Variants in ARHGAP44 observed in about 807,000 individuals in gnomAD.
The protein encoded by ARHGAP44 is Rho GTPase activating protein 44.
ARHGAP44 carries 43 observed loss-of-function variants against 106.8 expected under a neutral mutation model. The ratio of observed to expected loss-of-function variants is 0.40; its 90% CI spans 0.32 to 0.52. The LOEUF (loss-of-function observed/expected upper bound fraction) is 0.52, where lower values mean the gene tolerates loss of function less well. Among genes scored for constraint, ARHGAP44 ranks in the 20% least tolerant of loss-of-function variants. ARHGAP44 has a pLI of 0.48. For synonymous variants in ARHGAP44, 439 were observed against 410.3 expected (o/e 1.07, Z -0.85); for missense variants, 866 against 1,050.5 (o/e 0.82, Z 2.43).
In ARHGAP44 at chr17:12,809,618, G is replaced by A. The variant is rs563798110; in HGVS notation, c.53+19727G>A. Among the ~76,000 whole-genome samples the A allele has an allele frequency of 3.4e-4, 52 of 152,276 alleles. 1 individual carries two copies. The highest frequency in any genetic ancestry group is 2.3e-3 in the South Asian group (11 of 4,818). The stretch of plus-strand genomic sequence containing the variant: ...TCTCCCTTGACACTTGGGAATTATG[G>A]GAGCTACAATCCAAGATGAGATTTG... On this transcript the variant is annotated intron_variant, in intron 1 of 20. Coordinates refer to ENST00000379672, the MANE Select transcript of ARHGAP44 (RefSeq NM_014859.6).
intron 16 of ARHGAP44, among the ~76,000 whole-genome samples, chr17:12,970,053 A>G (rs1276533269): frequency 6.6e-6 from 1 of 152,172 alleles, no homozygotes; most frequent in South Asian, 2.1e-4. Context: ...CAGTGGGTCT[A>G]CCTTGCCAAA....
chr17:12,831,549 A>T (rs903645762), intron 1 of ARHGAP44, among the ~76,000 whole-genome samples: 3 of 152,186 alleles, frequency 2.0e-5, no homozygotes, highest in Non-Finnish European at 4.4e-5. Flanking sequence ...AGGCTTGGTC[A>T]GTGTAGATGC....
In ARHGAP44 at chr17:12,984,833, C is replaced by G. The variant is rs762732924; in HGVS notation, c.2242C>G (p.Leu748Val). The change falls in exon 20 of 21, where the codon CTC (leucine) becomes GTC (valine). Residue 748 changes from leucine to valine, a missense_variant. Physicochemically the swap from Leu to Val is conservative, Grantham distance 32. Coordinates refer to ENST00000379672, the MANE Select transcript of ARHGAP44 (RefSeq NM_014859.6). The stretch of plus-strand genomic sequence containing the variant: ...GCCTCCTCAGCCTCCCACAGTAAAC[C>G]TCTCGGCCTCTAGTCCACAGTCCAC... ...LPPPQPPTVN[L>V]SASSPQSTEA... The G allele has an allele frequency of 1.2e-6, 2 of 1,613,992 alleles. No homozygotes were observed. The highest frequency in any genetic ancestry group is 2.2e-5 in the South Asian group (2 of 91,076).
intron 1 of ARHGAP44, among the ~76,000 whole-genome samples, chr17:12,866,402 A>G (rs1171267454): frequency 6.6e-6 from 1 of 152,168 alleles, no homozygotes; most frequent in African/African-American, 2.4e-5. Flanking sequence ...CTCAAAACAC[A>G]TAATCAGCAC....
intron 13 of ARHGAP44, among the ~76,000 whole-genome samples, chr17:12,955,361 G>C (rs2039100758): frequency 6.6e-6 from 1 of 152,072 alleles, no homozygotes; most frequent in Non-Finnish European, 1.5e-5. Flanking sequence ...TTTCTTTTGG[G>C]TATTATCCCT....
At chr17:12,962,374 C>T (rs1253890369) in intron 16 of ARHGAP44, among the ~76,000 whole-genome samples, 1 of 152,118 alleles carries the variant, frequency 6.6e-6, no homozygotes, top group African/African-American at 2.4e-5. Context: ...ATACATTTTT[C>T]ATCATTGTGG....
chr17:12,907,573 T>G (rs9911986), intron 3 of ARHGAP44, among the ~76,000 whole-genome samples: 21,437 of 152,216 alleles, frequency 0.14, 2,294 homozygotes, highest in East Asian at 0.34. Context: ...ATTTATATAA[T>G]ATGTGTCCTT....
At chr17:12,963,297 G>C (rs1567712020) in intron 16 of ARHGAP44, among the ~76,000 whole-genome samples, 1 of 152,224 alleles carries the variant, frequency 6.6e-6, no homozygotes, top group East Asian at 1.9e-4. Flanking sequence ...GTGATGTTCT[G>C]GGACTGCTGA....
chr17:12,802,917 C>A (rs2034140713), intron 1 of ARHGAP44, among the ~76,000 whole-genome samples: 1 of 115,688 alleles, frequency 8.6e-6, no homozygotes. Flanking sequence ...TACCACCATA[C>A]CTGGCTAATT....
chr17:12,962,923 T>C (rs1404776718), intron 16 of ARHGAP44, among the ~76,000 whole-genome samples: 3 of 151,546 alleles, frequency 2.0e-5, no homozygotes, highest in Non-Finnish European at 2.9e-5. Context: ...CGCATGCCTG[T>C]AATCCCAGCT....
intron 1 of ARHGAP44, among the ~76,000 whole-genome samples, chr17:12,876,062 G>C (rs928786538): frequency 1.3e-5 from 2 of 152,184 alleles, no homozygotes; most frequent in Admixed American, 1.3e-4. Flanking sequence ...AAAACACCTT[G>C]CCTGAGAGCA....
At chr17:12,869,062 A>C (rs1418419392) in intron 1 of ARHGAP44, among the ~76,000 whole-genome samples, 1 of 152,224 alleles carries the variant, frequency 6.6e-6, no homozygotes, top group East Asian at 1.9e-4. Flanking sequence ...AAGTAAAGAC[A>C]TTTGAGGTTA....
intron 1 of ARHGAP44, among the ~76,000 whole-genome samples, chr17:12,806,039 C>T (rs1165442532): frequency 6.6e-6 from 1 of 152,160 alleles, no homozygotes; most frequent in African/African-American, 2.4e-5. Flanking sequence ...AGCATTTCTA[C>T]CTAGCAGAGG....
intron 3 of ARHGAP44, among the ~76,000 whole-genome samples, chr17:12,898,228 C>A (rs2037271782): frequency 6.6e-6 from 1 of 152,112 alleles, no homozygotes; most frequent in Admixed American, 6.6e-5. Flanking sequence ...AGTTGTCTGA[C>A]CTACCAGTCA....
chr17:12,891,802 T>C (rs1374986505), intron 1 of ARHGAP44, among the ~76,000 whole-genome samples: 3 of 151,312 alleles, frequency 2.0e-5, no homozygotes, highest in Non-Finnish European at 4.4e-5. Flanking sequence ...TTTGGGGTTT[T>C]TTTTTTTTTT....
chr17:12,955,520 A>G (rs1265878230), intron 13 of ARHGAP44, among the ~76,000 whole-genome samples: 1 of 152,206 alleles, frequency 6.6e-6, no homozygotes, highest in Non-Finnish European at 1.5e-5. Context: ...CATACTGCTT[A>G]TCACTCCTGC....
intron 1 of ARHGAP44, among the ~76,000 whole-genome samples, chr17:12,894,155 C>A (rs568760240): frequency 6.6e-6 from 1 of 152,022 alleles, no homozygotes; most frequent in African/African-American, 2.4e-5. Context: ...TATGTTGTTT[C>A]TTCTTTCTCT....
chr17:12,875,583 C>T (rs1358108771), intron 1 of ARHGAP44, among the ~76,000 whole-genome samples: 1 of 151,260 alleles, frequency 6.6e-6, no homozygotes, highest in African/African-American at 2.4e-5. Context: ...CAGAGCAATA[C>T]TCTATCTCAA....
rs953124079 is a variant in ARHGAP44 at position 12,894,975 on chromosome 17, T to C, written c.89T>C (p.Leu30Pro). ...EKTEVLSEDL[L>P]QVEKRLELVK... ...ACAGAAGTTTTGAGTGAAGACCTTCTTCAGGTAAGGCGGCCATTGACACTG... is the reference window on the plus strand; with the variant it reads ...ACAGAAGTTTTGAGTGAAGACCTTCCTCAGGTAAGGCGGCCATTGACACTG... The change falls in exon 2 of 21, where the codon CTT (leucine) becomes CCT (proline). Residue 30 changes from leucine to proline, a missense_variant. Transcript: ENST00000379672. 1 of 1,587,968 alleles carries C rather than the reference T, an allele frequency of 6.3e-7. No individual in the cohort carries two copies. The highest frequency in any genetic ancestry group is 8.6e-7 in the Non-Finnish European group (1 of 1,166,296).
Sources: allele counts gnomAD v4.1 joint callset (sites outside exome capture counted in the v4.1 genomes callset), GRCh38; gene constraint gnomAD v4.1.1; transcripts MANE v1.5; gene names NCBI Gene and HGNC (gene_info 2026-07-23, HGNC 2026-07-21).